The following FHIP1A variants were observed in gnomAD, a reference collection of about 807,000 sequenced individuals.
The protein encoded by FHIP1A is FHF complex subunit HOOK interacting protein 1A.
A neutral mutation model predicts 88.6 loss-of-function variants in FHIP1A; 61 were observed. The observed-to-expected ratio is 0.69, with a 90% CI of 0.56 to 0.85. FHIP1A has a LOEUF of 0.85. Among genes scored for constraint, FHIP1A ranks in the 40% least tolerant of loss-of-function variants. The pLI, the probability that FHIP1A is intolerant of heterozygous loss-of-function variation, is 0.00. For synonymous variants in FHIP1A, 478 were observed against 496.0 expected (o/e 0.96, Z 0.48); for missense variants, 1,154 against 1,273.5 (o/e 0.91, Z 1.43).
intron 1 of FHIP1A, among the ~76,000 whole-genome samples, chr4:151,436,267 A>G (rs1300152940): frequency 6.6e-6 from 1 of 152,124 alleles, no homozygotes; most frequent in East Asian, 1.9e-4. Context: ...ACAAACAAAA[A>G]CGTAGGGGTT....
Position 151,566,184 on chromosome 4 carries a change from C to T in FHIP1A, c.-76C>T, listed in dbSNP as rs974153719. Reference sequence around the variant, plus strand: ...ATGTGAAGAAGTTACATTTCTCAAACTTGAAAGTTAGTGACGGCTTACCAA... The same window carrying T: ...ATGTGAAGAAGTTACATTTCTCAAATTTGAAAGTTAGTGACGGCTTACCAA... On this transcript the variant is annotated 5_prime_UTR_variant, in exon 4 of 14. Transcript: ENST00000435205. The T allele has an allele frequency of 7.2e-6, 6 of 837,524 alleles. No individual in the cohort carries two copies. The African/African-American group carries it at 1.1e-4, about 15-fold the overall frequency. 51.9% of individuals were successfully genotyped at this position (837,524 alleles called of 1,614,324 possible).
intron 2 of FHIP1A, among the ~76,000 whole-genome samples, chr4:151,476,379 C>G (rs1487527582): frequency 6.6e-6 from 1 of 151,770 alleles, no homozygotes; most frequent in African/African-American, 2.4e-5. Context: ...GAACTCCTGG[C>G]CTTAAGAAAT....
At chr4:151,440,076 G>A (rs114868295) in intron 1 of FHIP1A, among the ~76,000 whole-genome samples, 1,917 of 152,282 alleles carry the variant, frequency 0.013, 39 homozygotes, top group African/African-American at 0.044. Flanking sequence ...TTACAGTCAT[G>A]GCAGAAGACA....
chr4:151,607,902 T>C (rs755352097), intron 7 of FHIP1A, among the ~76,000 whole-genome samples: 1 of 152,178 alleles, frequency 6.6e-6, no homozygotes, highest in Non-Finnish European at 1.5e-5. Flanking sequence ...ATAAATTTTA[T>C]ACCATTTTTG....
chr4:151,504,607 G>T (rs113711120), intron 3 of FHIP1A, among the ~76,000 whole-genome samples: 13,567 of 68,018 alleles, frequency 0.2, 696 homozygotes, highest in African/African-American at 0.23. Flanking sequence ...GTTATGTTAT[G>T]TCATGTTATG....
intron 3 of FHIP1A, among the ~76,000 whole-genome samples, chr4:151,509,777 G>C (rs184997536): frequency 6.6e-6 from 1 of 151,200 alleles, no homozygotes; most frequent in Admixed American, 6.6e-5. Context: ...GTGTGTGTGT[G>C]TGTGTGTGTG....
At chr4:151,632,136 C>CAGGTAACTAAA (rs546992778) in intron 8 of FHIP1A, among the ~76,000 whole-genome samples, 99 of 151,696 alleles carry the variant, frequency 6.5e-4, no homozygotes, top group African/African-American at 2.1e-3. Context: ...TAAAAGAAAG[C>CAGGTAACTAAA]AGAGGTGGTT....
chr4:151,426,696 T>C (rs764876804), intron 1 of FHIP1A, among the ~76,000 whole-genome samples: 1 of 152,110 alleles, frequency 6.6e-6, no homozygotes, highest in East Asian at 1.9e-4. Flanking sequence ...GCTGTTGTAA[T>C]GTAATCATAA....
chr4:151,610,216 G>C (rs1009963919), intron 7 of FHIP1A, among the ~76,000 whole-genome samples: 1 of 152,180 alleles, frequency 6.6e-6, no homozygotes, highest in African/African-American at 2.4e-5. Flanking sequence ...TAAATGAGTT[G>C]ATACTTTAAA....
At chr4:151,634,838 T>G (rs2126885179) in intron 8 of FHIP1A, among the ~76,000 whole-genome samples, 1 of 151,956 alleles carries the variant, frequency 6.6e-6, no homozygotes, top group East Asian at 1.9e-4. Context: ...TAGCAATGGA[T>G]TTTGTAATAA....
intron 7 of FHIP1A, among the ~76,000 whole-genome samples, chr4:151,594,510 C>A (rs1578795710): frequency 6.6e-6 from 1 of 151,588 alleles, no homozygotes; most frequent in African/African-American, 2.4e-5. Context: ...AGTTTATTTG[C>A]GTAGAGGTGT....
At chr4:151,454,645 A>G (rs1024897955) in intron 1 of FHIP1A, 56 bp from the exon 2 acceptor site, 4 of 152,178 alleles carry the variant, frequency 2.6e-5, no homozygotes, top group Non-Finnish European at 5.9e-5. Flanking sequence ...GTAAAACACA[A>G]AAGGTCTGGG....
chr4:151,465,741 C>T (rs1057419196), intron 2 of FHIP1A, among the ~76,000 whole-genome samples: 3 of 152,104 alleles, frequency 2.0e-5, no homozygotes, highest in Admixed American at 2.0e-4. Context: ...ATAAAAGTAA[C>T]CCATCACATA....
chr4:151,439,332 C>G (rs748388692), intron 1 of FHIP1A, among the ~76,000 whole-genome samples: 3 of 152,126 alleles, frequency 2.0e-5, no homozygotes, highest in Admixed American at 1.3e-4. Flanking sequence ...AGAATAGTGT[C>G]TGACACAAAG....
At chr4:151,539,251 A>G (rs1732180039) in intron 3 of FHIP1A, among the ~76,000 whole-genome samples, 1 of 152,150 alleles carries the variant, frequency 6.6e-6, no homozygotes, top group Non-Finnish European at 1.5e-5. Flanking sequence ...TAAGTTAGAG[A>G]CTAGCTTTTG....
chr4:151,444,766 TTTAG>T (rs1728532205), intron 1 of FHIP1A, among the ~76,000 whole-genome samples: 1 of 152,212 alleles, frequency 6.6e-6, no homozygotes, highest in South Asian at 2.1e-4. Flanking sequence ...GAAGCCATAT[TTTAG>T]TTATTTTTAC....
At chr4:151,639,058 A>G (rs1419778462) in intron 9 of FHIP1A, among the ~76,000 whole-genome samples, 4 of 152,214 alleles carry the variant, frequency 2.6e-5, no homozygotes, top group Non-Finnish European at 4.4e-5. Flanking sequence ...TATAAAAGCT[A>G]TTCTGGTCTG....
chr4:151,579,956 T>G (rs1733957674), intron 5 of FHIP1A, among the ~76,000 whole-genome samples: 2 of 152,224 alleles, frequency 1.3e-5, no homozygotes, highest in Non-Finnish European at 2.9e-5. Flanking sequence ...GATACTTTAG[T>G]CTGTGTTTCC....
At chr4:151,413,333 CCTT>C (rs1269811980) in intron 1 of FHIP1A, among the ~76,000 whole-genome samples, 1 of 152,092 alleles carries the variant, frequency 6.6e-6, no homozygotes, top group Non-Finnish European at 1.5e-5. Context: ...AGTTGAAGGA[CCTT>C]CTTTCGGAGA....
Sources: allele counts gnomAD v4.1 joint callset (sites outside exome capture counted in the v4.1 genomes callset), GRCh38; gene constraint gnomAD v4.1.1; transcripts MANE v1.5; gene names NCBI Gene and HGNC (gene_info 2026-07-23, HGNC 2026-07-21).